The following ABL1 variants were observed in gnomAD, a reference collection of about 807,000 sequenced individuals.
ABL1 encodes the protein tyrosine-protein kinase ABL1.
A neutral mutation model predicts 94.7 loss-of-function variants in ABL1; 11 were observed. The ratio of observed to expected loss-of-function variants is 0.12; its 90% confidence interval spans 0.07 to 0.19. The LOEUF is 0.19. Among genes scored for constraint, ABL1 ranks in the 10% least tolerant of loss-of-function variants. ABL1 has a pLI of 1.00. For missense variants in ABL1, 1,082 were observed against 1,489.4 expected (o/e 0.73, Z 4.50); for synonymous variants, 656 against 622.4 (o/e 1.05, Z -0.80).
chr9:130,791,890 T>C (rs1436774849), intron 1 of ABL1, among the ~76,000 whole-genome samples: 1 of 152,198 alleles, frequency 6.6e-6, no homozygotes, highest in African/African-American at 2.4e-5. Flanking sequence ...CCCTTTCATA[T>C]ATACATATAT....
chr9:130,867,388 T>A (rs1831172944), intron 4 of ABL1, among the ~76,000 whole-genome samples: 1 of 152,222 alleles, frequency 6.6e-6, no homozygotes, highest in Non-Finnish European at 1.5e-5. Context: ...TGGGCCTTTC[T>A]CTTATTTCCA....
chr9:130,724,648 TAAA>T, intron 1 of ABL1: 1 of 251,366 alleles, frequency 4.0e-6, no homozygotes, highest in Non-Finnish European at 8.1e-6. Context: ...CATCTTTACT[TAAA>T]AATTAGCCAG....
In ABL1 at chr9:130,874,825, G is replaced by A. The variant is rs1831314161; in HGVS notation, c.1086-43G>A. 2.5e-6 allele frequency: 4 copies of A among 1,599,940 alleles called. 1 individual carries two copies. The African/African-American group carries it at 4.0e-5, about 16-fold the overall frequency. ...GCAGTGGTGGATTTGTGAAGTGGAA[G>A]GTTGGCCAGGAGCTCTCATGGGTGA... On this transcript the variant is annotated intron_variant, in intron 6 of 10. Coordinates refer to ENST00000318560, the MANE Select transcript of ABL1 (RefSeq NM_005157.6).
At chr9:130,866,200 G>T (rs1831153577) in intron 4 of ABL1, among the ~76,000 whole-genome samples, 1 of 152,096 alleles carries the variant, frequency 6.6e-6, no homozygotes, top group Non-Finnish European at 1.5e-5. Flanking sequence ...GACTGACCTG[G>T]CATCACACAG....
intron 1 of ABL1, among the ~76,000 whole-genome samples, chr9:130,777,181 A>T (rs1207218140): frequency 1.3e-5 from 2 of 152,152 alleles, no homozygotes; most frequent in Non-Finnish European, 2.9e-5. Flanking sequence ...CTTCAGGATA[A>T]TCTGTTCATC....
chr9:130,725,876 G>C, intron 1 of ABL1, among the ~76,000 whole-genome samples: 1 of 118,856 alleles, frequency 8.4e-6, no homozygotes, highest in Non-Finnish European at 1.7e-5. Flanking sequence ...CTGTCTCCCA[G>C]ACTGGAGTGC....
At chr9:130,867,472 C>T (rs191918802) in intron 4 of ABL1, among the ~76,000 whole-genome samples, 160 of 152,294 alleles carry the variant, frequency 1.1e-3, no homozygotes, top group Non-Finnish European at 5.0e-4. Context: ...CTGGTGGGTC[C>T]GCTTCCAGAA....
intron 1 of ABL1, chr9:130,724,769 A>AT (rs1348485422): frequency 2.1e-6 from 1 of 467,402 alleles, no homozygotes; most frequent in Non-Finnish European, 4.2e-6. Context: ...AAAAAAAAAA[A>AT]AGCAAATAAA....
intron 1 of ABL1, among the ~76,000 whole-genome samples, chr9:130,851,972 T>C (rs1830873958): frequency 6.6e-6 from 1 of 151,792 alleles, no homozygotes; most frequent in African/African-American, 2.4e-5. Flanking sequence ...AGAGATGGGG[T>C]TTTGCCATGT....
At chr9:130,842,020 T>C (rs1238631046) in intron 1 of ABL1, among the ~76,000 whole-genome samples, 1 of 142,232 alleles carries the variant, frequency 7.0e-6, no homozygotes, top group South Asian at 2.2e-4. Context: ...TACAAAAAGG[T>C]TGAGACAGGA....
intron 1 of ABL1, among the ~76,000 whole-genome samples, chr9:130,853,423 G>A (rs1379257581): frequency 2.0e-5 from 3 of 148,716 alleles, no homozygotes; most frequent in African/African-American, 5.0e-5. Flanking sequence ...ATCCACCCCC[G>A]GCTTTTTTTT....
intron 1 of ABL1, among the ~76,000 whole-genome samples, chr9:130,811,442 T>A (rs906696855): frequency 6.6e-6 from 1 of 152,238 alleles, no homozygotes; most frequent in East Asian, 1.9e-4. Flanking sequence ...CATTGTAGCA[T>A]TTGTAACTTA....
At chr9:130,871,429 A>AT (rs1831250517) in intron 4 of ABL1, among the ~76,000 whole-genome samples, 2 of 152,138 alleles carry the variant, frequency 1.3e-5, no homozygotes, top group Admixed American at 6.6e-5. Flanking sequence ...CCCCCTTGGC[A>AT]TTTAGATACC....
chr9:130,825,967 A>G (rs758887905), intron 1 of ABL1, among the ~76,000 whole-genome samples: 1 of 152,176 alleles, frequency 6.6e-6, no homozygotes, highest in Non-Finnish European at 1.5e-5. Context: ...CTTGTCTGTC[A>G]TGGGTACCTA....
intron 7 of ABL1, among the ~76,000 whole-genome samples, chr9:130,876,209 A>C (rs1393089171): frequency 6.6e-6 from 1 of 151,898 alleles, no homozygotes. Flanking sequence ...CAGTGCCTAG[A>C]TCCAATAGTT....
chr9:130,831,329 C>T (rs986748589), upstream of ABL1, among the ~76,000 whole-genome samples: 1 of 152,148 alleles, frequency 6.6e-6, no homozygotes, highest in South Asian at 2.1e-4. Flanking sequence ...GGAGCATCCA[C>T]ATCCTGAATC....
chr9:130,871,729 G>A (rs1478176466), intron 4 of ABL1, among the ~76,000 whole-genome samples: 1 of 152,246 alleles, frequency 6.6e-6, no homozygotes, highest in African/African-American at 2.4e-5. Context: ...TAGGCTGAGT[G>A]TGTTAGCACC....
chr9:130,787,793 C>T (rs536287466), intron 1 of ABL1, among the ~76,000 whole-genome samples: 19 of 152,188 alleles, frequency 1.2e-4, no homozygotes, highest in Non-Finnish European at 2.1e-4. Flanking sequence ...GATGTTTTCC[C>T]GTCACCTGTT....
chr9:130,745,981 G>GT (rs1831883000), intron 1 of ABL1, among the ~76,000 whole-genome samples: 2 of 152,160 alleles, frequency 1.3e-5, no homozygotes, highest in Non-Finnish European at 2.9e-5. Flanking sequence ...TGTAGGAGCT[G>GT]TTATCCCTTG....
Sources: gnomAD v4.1 joint callset for allele counts (sites outside exome capture counted in the v4.1 genomes callset) on GRCh38, gnomAD v4.1.1 for gene constraint, MANE v1.5 for transcripts, NCBI Gene and HGNC (gene_info 2026-07-23, HGNC 2026-07-21) for gene names.